Variants in GPR160 observed in about 807,000 individuals in gnomAD.
GPR160 encodes G protein-coupled receptor 160, also known as probable G protein-coupled receptor 160.
Under a neutral mutation model 2.6 loss-of-function variants are expected in GPR160, and 2 were observed. That is an observed-to-expected ratio of 0.77 (90% CI 0.32 to 2.44). The LOEUF is 2.44. GPR160 is among the 30% of genes most tolerant of loss of function. The pLI is 0.11. For synonymous variants in GPR160, 130 were observed against 132.2 expected, an observed-to-expected ratio of 0.98 and a Z score of 0.12; for missense variants, 351 against 383.6, an observed-to-expected ratio of 0.91 and a Z score of 0.71.
At chr3:170,060,557 G>A (rs1303450244) in intron 2 of GPR160, among the ~76,000 whole-genome samples, 2 of 152,096 alleles carry the variant, frequency 1.3e-5, no homozygotes, top group African/African-American at 4.8e-5. Flanking sequence ...GAGGCTAGGA[G>A]TTCAAGACCA....
chr3:170,054,179 A>G (rs1362647113), intron 2 of GPR160, among the ~76,000 whole-genome samples: 1 of 151,506 alleles, frequency 6.6e-6, no homozygotes, highest in Non-Finnish European at 1.5e-5. Flanking sequence ...TTAAACTCTC[A>G]TCATTATTAG....
At position 170,084,658 on chromosome 3, in the gene GPR160, A is replaced by G. The variant is rs144269646; in HGVS notation, c.686A>G (p.His229Arg). 4.1e-4 allele frequency: 659 copies of G among 1,608,660 alleles called. 1 individual carries two copies. In the African/African-American group the frequency reaches 7.8e-3, roughly 19 times the overall value. Residue 229 changes from histidine (H) to arginine (R), a missense_variant, in exon 4 of 4, where the codon CAC becomes CGC. Physicochemically the swap from His to Arg is conservative, Grantham distance 29 (BLOSUM62 0). Coordinates refer to ENST00000355897, the MANE Select transcript of GPR160 (RefSeq NM_014373.3). Reference protein sequence around the residue: ...ETILYFPFSSHSSYTVRSKKI... With the variant: ...ETILYFPFSSRSSYTVRSKKI... ...ATCTTATATTTTCCTTTTTCATCCCACTCCAGTTATACTGTGAGATCTAAA... is the reference window on the plus strand; with the variant it reads ...ATCTTATATTTTCCTTTTTCATCCCGCTCCAGTTATACTGTGAGATCTAAA...
At chr3:170,042,420 CAAAA>C (rs34452268) in intron 2 of GPR160, among the ~76,000 whole-genome samples, 1 of 103,934 alleles carries the variant, frequency 9.6e-6, no homozygotes, top group Non-Finnish European at 2.0e-5. Context: ...GATACTGCCT[CAAAA>C]AAAAAAAAAA....
intron 3 of GPR160, among the ~76,000 whole-genome samples, chr3:170,082,563 T>C (rs1288406949): frequency 6.6e-6 from 1 of 152,180 alleles, no homozygotes; most frequent in Non-Finnish European, 1.5e-5. Context: ...GCATTTCTGA[T>C]AAGGGATACT....
At chr3:170,064,656 C>G (rs1169281163) in intron 2 of GPR160, among the ~76,000 whole-genome samples, 1 of 151,492 alleles carries the variant, frequency 6.6e-6, no homozygotes, top group Non-Finnish European at 1.5e-5. Flanking sequence ...GTAGCTGGGA[C>G]TACAGGCACA....
At chr3:170,041,155 A>G (rs926524188) in intron 2 of GPR160, among the ~76,000 whole-genome samples, 2 of 152,210 alleles carry the variant, frequency 1.3e-5, no homozygotes, top group African/African-American at 4.8e-5. Context: ...TCGCTTCAGT[A>G]TAACTGAATG....
chr3:170,067,904 C>G (rs1167064045), intron 2 of GPR160, among the ~76,000 whole-genome samples: 1 of 152,164 alleles, frequency 6.6e-6, no homozygotes, highest in Non-Finnish European at 1.5e-5. Context: ...CATGATTCAG[C>G]TCAGTATATC....
chr3:170,042,013 A>T (rs1716472878), intron 2 of GPR160, among the ~76,000 whole-genome samples: 1 of 152,204 alleles, frequency 6.6e-6, no homozygotes, highest in Non-Finnish European at 1.5e-5. Flanking sequence ...GTATGAACGC[A>T]TTAGAAAAGC....
intron 2 of GPR160, among the ~76,000 whole-genome samples, chr3:170,074,335 C>G (rs1023526972): frequency 6.6e-6 from 1 of 152,094 alleles, no homozygotes; most frequent in Non-Finnish European, 1.5e-5. Flanking sequence ...TACTCACTTT[C>G]CCAATTTTGG....
intron 2 of GPR160, chr3:170,057,403 C>T (rs530379254): frequency 6.6e-6 from 1 of 152,160 alleles, no homozygotes; most frequent in Middle Eastern, 3.4e-3. Context: ...ATGGTTGGCA[C>T]TGGCAATTTT....
chr3:170,084,656 C>T lies in GPR160; in HGVS notation c.684C>T (p.Ser228=). The T allele has an allele frequency of 6.2e-7, 1 of 1,608,226 alleles. No homozygotes were observed. The highest frequency in any genetic ancestry group is 8.5e-7 in the Non-Finnish European group (1 of 1,175,062). Reference sequence around the variant, plus strand: ...CTATCTTATATTTTCCTTTTTCATCCCACTCCAGTTATACTGTGAGATCTA... The same window carrying T: ...CTATCTTATATTTTCCTTTTTCATCTCACTCCAGTTATACTGTGAGATCTA... The part of the protein sequence containing the change: ...NETILYFPFS[S]HSSYTVRSKK... Residue 228 remains serine (S), a synonymous_variant, in exon 4 of 4, where the codon TCC becomes TCT. Transcript: ENST00000355897.
At chr3:170,079,386 T>C in intron 2 of GPR160, among the ~76,000 whole-genome samples, 1 of 152,244 alleles carries the variant, frequency 6.6e-6, no homozygotes, top group East Asian at 1.9e-4. Flanking sequence ...TATTGTTTGG[T>C]AAAATATAGT....
At chr3:170,057,144 A>G (rs1711687004) in intron 2 of GPR160, among the ~76,000 whole-genome samples, 1 of 152,216 alleles carries the variant, frequency 6.6e-6, no homozygotes, top group Non-Finnish European at 1.5e-5. Context: ...AAAGGTAGTT[A>G]TAATATAAAA....
intron 2 of GPR160, chr3:170,062,880 A>G (rs1270925373): frequency 1.2e-5 from 5 of 433,620 alleles, no homozygotes; most frequent in African/African-American, 4.1e-5. Context: ...GCCGGGTGTG[A>G]ACACCAGAGG....
chr3:170,082,048 C>G (rs969115533), intron 3 of GPR160, among the ~76,000 whole-genome samples: 2 of 152,156 alleles, frequency 1.3e-5, no homozygotes, highest in African/African-American at 2.4e-5. Context: ...ATTTAATCAT[C>G]AGTGACCTAT....
rs190631304 is a variant in GPR160, at chr3:170,060,611, A to T, written c.-192-19163A>T. On this transcript the variant is annotated intron_variant, in intron 2 of 3. Transcript: ENST00000355897. ...CCCCATCTCTACAAAACAGTATTTT[A>T]AAAAAAAATTAACTGGGCATGGTGG... Among the ~76,000 whole-genome samples, 537 of 151,618 alleles carry T rather than the reference A, an allele frequency of 3.5e-3. 5 individuals are homozygous for T. Among genetic ancestry groups the T allele is most frequent in the African/African-American group, 0.013 (524 of 41,328 alleles).
chr3:170,075,608 T>C (rs1400395306), intron 2 of GPR160, among the ~76,000 whole-genome samples: 1 of 152,150 alleles, frequency 6.6e-6, no homozygotes, highest in African/African-American at 2.4e-5. Context: ...CTGGAATGCA[T>C]TGCCTCCCCG....
chr3:170,069,759 G>C (rs572636777), intron 2 of GPR160, among the ~76,000 whole-genome samples: 2 of 152,074 alleles, frequency 1.3e-5, no homozygotes, highest in Non-Finnish European at 2.9e-5. Flanking sequence ...AAATATTTTA[G>C]TATGTATTAT....
intron 2 of GPR160, among the ~76,000 whole-genome samples, chr3:170,055,340 G>A (rs1181403941): frequency 6.6e-6 from 1 of 152,118 alleles, no homozygotes; most frequent in East Asian, 1.9e-4. Context: ...TCTCCCTTAG[G>A]TGGTTGTTCT....
Sources: allele counts gnomAD v4.1 joint callset (sites outside exome capture counted in the v4.1 genomes callset), GRCh38; gene constraint gnomAD v4.1.1; transcripts MANE v1.5; gene names NCBI Gene and HGNC (gene_info 2026-07-23, HGNC 2026-07-21).